HS3ST2: variants seen among roughly 807,000 people sequenced by gnomAD.
HS3ST2 encodes the protein heparan sulfate glucosamine 3-O-sulfotransferase 2.
Under a neutral mutation model 26.3 loss-of-function variants are expected in HS3ST2, and 17 were observed. The ratio of observed to expected loss-of-function variants is 0.65; its 90% CI spans 0.44 to 0.97. The LOEUF (loss-of-function observed/expected upper bound fraction) is 0.97. Among genes scored for constraint, HS3ST2 ranks in the 50% least tolerant of loss-of-function variants. HS3ST2 has a pLI of 0.00. For synonymous variants in HS3ST2, 237 were observed against 219.2 expected, an observed-to-expected ratio of 1.08 and a Z score of -0.72; for missense variants, 402 against 501.2, an observed-to-expected ratio of 0.80 and a Z score of 1.89.
intron 1 of HS3ST2, among the ~76,000 whole-genome samples, chr16:22,861,220 A>G (rs1449464419): frequency 1.3e-5 from 2 of 151,892 alleles, no homozygotes; most frequent in East Asian, 3.9e-4. Flanking sequence ...CATAGTTTTG[A>G]TATATAACGT....
At chr16:22,848,631 T>A (rs982856778) in intron 1 of HS3ST2, among the ~76,000 whole-genome samples, 3 of 152,182 alleles carry the variant, frequency 2.0e-5, no homozygotes, top group Non-Finnish European at 2.9e-5. Flanking sequence ...ACAACTGCAT[T>A]CCCTGGCTCT....
chr16:22,841,998 T>C (rs538053622), intron 1 of HS3ST2, among the ~76,000 whole-genome samples: 14 of 152,172 alleles, frequency 9.2e-5, no homozygotes, highest in South Asian at 2.1e-4. Flanking sequence ...TCTTTTTTTT[T>C]CTCTGGTTGT....
intron 1 of HS3ST2, among the ~76,000 whole-genome samples, chr16:22,887,446 CTA>C (rs1174712318): frequency 1.3e-5 from 2 of 152,222 alleles, no homozygotes; most frequent in African/African-American, 4.8e-5. Flanking sequence ...TATAAAGACA[CTA>C]ATCCCATTTG....
Position 22,814,688 on chromosome 16 carries a change from C to G in HS3ST2, c.78C>G (p.Leu26=). 6.2e-7 allele frequency: 1 copy of G among 1,603,860 alleles called. No homozygotes were observed. Among genetic ancestry groups the G allele is most frequent in the Non-Finnish European group, 8.5e-7 (1 of 1,176,296 alleles). The change falls in exon 1 of 2, where the codon CTC becomes CTG. Residue 26 remains leucine, a synonymous_variant. Transcript: ENST00000261374. The stretch of plus-strand genomic sequence containing the variant: ...GCAGGCTGCTCTTCGCCTTCACGCT[C>G]TCGCTCTCCTGCACTTACCTGTGTT... ...RARRLLFAFT[L]SLSCTYLCYS...
Position 22,915,832 on chromosome 16 carries a change from G to T in HS3ST2, c.*270G>T. 2.1e-6 allele frequency: 1 copy of T among 471,326 alleles called. No homozygotes were observed. Among genetic ancestry groups the T allele is most frequent in the Non-Finnish European group, 3.7e-6 (1 of 266,692 alleles). The allele number at this position is 471,326 out of a possible 1,614,324, so 29.2% of individuals were successfully genotyped here. A position where few individuals can be genotyped will look rare whatever the true frequency, so the allele number is the denominator to read the frequency against. On this transcript the variant is annotated 3_prime_UTR_variant, in exon 2 of 2. Transcript: ENST00000261374. ...ATCATTCTCCTTTCTGCCCATAAAG[G>T]GCCTTGGAGAATTGCTTTAAGAAGA... is the stretch of plus-strand genomic sequence containing the variant.
At chr16:22,906,491 G>T (rs1006323108) in intron 1 of HS3ST2, among the ~76,000 whole-genome samples, 1 of 152,176 alleles carries the variant, frequency 6.6e-6, no homozygotes, top group Admixed American at 6.5e-5. Context: ...CCCTCAAGTG[G>T]TCCTGGCATG....
At chr16:22,840,713 G>A (rs1901338996) in intron 1 of HS3ST2, among the ~76,000 whole-genome samples, 1 of 152,122 alleles carries the variant, frequency 6.6e-6, no homozygotes, top group Non-Finnish European at 1.5e-5. Flanking sequence ...AAGAATGGGG[G>A]AATTATCATT....
chr16:22,815,217 C>T, intron 1 of HS3ST2, 122 bp downstream of exon 1: 1 of 1,299,532 alleles, frequency 7.7e-7, no homozygotes, highest in Non-Finnish European at 1.1e-6. Context: ...CAGGCTGACA[C>T]ACAGGGCCAT....
chr16:22,819,925 C>T (rs893209562), intron 1 of HS3ST2, among the ~76,000 whole-genome samples: 1 of 152,252 alleles, frequency 6.6e-6, no homozygotes, highest in Non-Finnish European at 1.5e-5. Context: ...TAAGGGGCCT[C>T]CTGCCATGAC....
At chr16:22,862,319 G>A (rs1414030705) in intron 1 of HS3ST2, among the ~76,000 whole-genome samples, 1 of 142,608 alleles carries the variant, frequency 7.0e-6, no homozygotes, top group Non-Finnish European at 1.5e-5. Flanking sequence ...AGCAAAGGTT[G>A]CAAACCAGTA....
intron 1 of HS3ST2, among the ~76,000 whole-genome samples, chr16:22,863,840 C>T (rs1901712485): frequency 6.6e-6 from 1 of 152,226 alleles, no homozygotes; most frequent in Non-Finnish European, 1.5e-5. Flanking sequence ...ACCTGCCACC[C>T]TCTCCCTTCA....
At position 22,916,021 on chromosome 16, in the gene HS3ST2, G is replaced by A. The variant is rs1212853812; in HGVS notation, c.*459G>A. The A allele has an allele frequency of 5.9e-6, 1 of 168,170 alleles. No homozygotes were observed. The highest frequency in any genetic ancestry group is 1.3e-5 in the Non-Finnish European group (1 of 77,494). The allele number at this position is 168,170 out of a possible 1,614,324, so 10.4% of individuals were successfully genotyped here. ...TTTCTTCAAGATGCTCTGGGTGGTG[G>A]GATGGGAGACCATCCTCAGCCCTCC... On this transcript the variant is annotated 3_prime_UTR_variant, in exon 2 of 2. Coordinates refer to ENST00000261374, the MANE Select transcript of HS3ST2 (RefSeq NM_006043.2).
chr16:22,909,866 C>G (rs969542023), intron 1 of HS3ST2, among the ~76,000 whole-genome samples: 2 of 151,752 alleles, frequency 1.3e-5, no homozygotes, highest in African/African-American at 4.8e-5. Context: ...CTGGTGAAAC[C>G]CTGTCTACTA....
intron 1 of HS3ST2, among the ~76,000 whole-genome samples, chr16:22,894,321 A>G (rs552906271): frequency 6.6e-6 from 1 of 152,192 alleles, no homozygotes; most frequent in East Asian, 1.9e-4. Context: ...TATTTCCAAG[A>G]CATAATCTTC....
At chr16:22,903,242 C>G (rs150438638) in intron 1 of HS3ST2, among the ~76,000 whole-genome samples, 1 of 152,242 alleles carries the variant, frequency 6.6e-6, no homozygotes, top group Non-Finnish European at 1.5e-5. Context: ...TCTCTGTGTC[C>G]TAGTTTCCTC....
At chr16:22,875,882 G>T (rs904700090) in intron 1 of HS3ST2, among the ~76,000 whole-genome samples, 1 of 152,148 alleles carries the variant, frequency 6.6e-6, no homozygotes, top group Non-Finnish European at 1.5e-5. Flanking sequence ...ATACACAAAT[G>T]GTTCCCAATG....
chr16:22,872,689 C>T (rs765307652), intron 1 of HS3ST2, among the ~76,000 whole-genome samples: 37 of 152,148 alleles, frequency 2.4e-4, no homozygotes, highest in Non-Finnish European at 4.1e-4. Flanking sequence ...TGACGTGGAC[C>T]GCTGGGTGAT....
chr16:22,837,151 G>A (rs889528855), intron 1 of HS3ST2, among the ~76,000 whole-genome samples: 6 of 150,112 alleles, frequency 4.0e-5, no homozygotes, highest in East Asian at 2.0e-4. Flanking sequence ...AAATAGAAAC[G>A]GAGCCTCTAA....
At chr16:22,911,456 T>G (rs1488909924) in intron 1 of HS3ST2, among the ~76,000 whole-genome samples, 1 of 152,206 alleles carries the variant, frequency 6.6e-6, no homozygotes, top group Non-Finnish European at 1.5e-5. Flanking sequence ...CATAACAAAT[T>G]ACTGCAAACT....
Sources: gnomAD v4.1 joint callset for allele counts (sites outside exome capture counted in the v4.1 genomes callset) on GRCh38, gnomAD v4.1.1 for gene constraint, MANE v1.5 for transcripts, NCBI Gene and HGNC (gene_info 2026-07-23, HGNC 2026-07-21) for gene names.